WDR49: variants seen among roughly 807,000 people sequenced by gnomAD.
The protein encoded by WDR49 is WD repeat domain 49, also known as cilia- and flagella-associated protein 337.
In WDR49, 107 loss-of-function variants were observed where a neutral mutation model predicts 119.5. That is an observed-to-expected ratio of 0.90 (90% CI 0.77 to 1.05). The LOEUF (loss-of-function observed/expected upper bound fraction) is 1.05. Ranked by LOEUF, WDR49 falls within the 50% of genes least tolerant of loss-of-function variation. The probability of loss-of-function intolerance (pLI) is 0.00; values close to 1 mark genes in which losing one functional copy is unlikely to be tolerated. For synonymous variants in WDR49, 425 were observed against 418.8 expected (o/e 1.01, Z -0.18); for missense variants, 1,240 against 1,220.5 (o/e 1.02, Z -0.24).
At chr3:167,574,656 A>G (rs1343907580) in intron 8 of WDR49, among the ~76,000 whole-genome samples, 1 of 152,190 alleles carries the variant, frequency 6.6e-6, no homozygotes, top group African/African-American at 2.4e-5. Flanking sequence ...TTATGCCCCA[A>G]ATAAATCCAG....
intron 11 of WDR49, among the ~76,000 whole-genome samples, chr3:167,535,842 T>G (rs1218574662): frequency 6.6e-6 from 1 of 152,022 alleles, no homozygotes; most frequent in East Asian, 1.9e-4. Context: ...TAAATGTCCA[T>G]CAATGAATAA....
chr3:167,530,603 A>T (rs1305910427), intron 13 of WDR49, among the ~76,000 whole-genome samples: 4 of 151,582 alleles, frequency 2.6e-5, no homozygotes, highest in African/African-American at 9.7e-5. Context: ...AACAGAGAAG[A>T]GAGCAGGCAG....
chr3:167,647,893 C>T (rs1018762649), intron 2 of WDR49, among the ~76,000 whole-genome samples: 1 of 152,148 alleles, frequency 6.6e-6, no homozygotes, highest in African/African-American at 2.4e-5. Flanking sequence ...TTCATTGTAG[C>T]AGTTGTTGAT....
chr3:167,574,678 G>A (rs987897662), intron 8 of WDR49, among the ~76,000 whole-genome samples: 3 of 152,138 alleles, frequency 2.0e-5, no homozygotes, highest in African/African-American at 7.2e-5. Context: ...TCTTCTTTGT[G>A]TCTAATTTCC....
chr3:167,538,907 C>T (rs1002468145), intron 10 of WDR49, among the ~76,000 whole-genome samples: 8 of 152,082 alleles, frequency 5.3e-5, no homozygotes, highest in African/African-American at 1.9e-4. Context: ...CTAGTTTTTT[C>T]GTTTAGTATA....
chr3:167,657,187 A>G (rs569725497), upstream of WDR49, among the ~76,000 whole-genome samples: 1 of 152,224 alleles, frequency 6.6e-6, no homozygotes, highest in African/African-American at 2.4e-5. Context: ...AGTAGGATAC[A>G]TATTATGAAA....
chr3:167,522,584 G>T, intron 15 of WDR49, 100 bp from the exon 16 acceptor site: 1 of 1,218,160 alleles, frequency 8.2e-7, no homozygotes, highest in Non-Finnish European at 1.1e-6. Context: ...TAAAGTCCTG[G>T]GGTGGGACAC....
At chr3:167,511,062 T>C (rs1426260873) in intron 16 of WDR49, among the ~76,000 whole-genome samples, 1 of 152,132 alleles carries the variant, frequency 6.6e-6, no homozygotes, top group Admixed American at 6.6e-5. Context: ...TATAATATTT[T>C]CCGTACTAGA....
chr3:167,600,577 C>T (rs952087959), intron 7 of WDR49, among the ~76,000 whole-genome samples: 1 of 152,176 alleles, frequency 6.6e-6, no homozygotes, highest in Non-Finnish European at 1.5e-5. Context: ...ATCCCATGAT[C>T]TTGCTCCATC....
intron 8 of WDR49, among the ~76,000 whole-genome samples, chr3:167,572,201 T>C (rs1043195848): frequency 1.3e-5 from 2 of 152,230 alleles, no homozygotes; most frequent in African/African-American, 4.8e-5. Context: ...CCCAACTTGC[T>C]CTGCTGCTGG....
intron 5 of WDR49, among the ~76,000 whole-genome samples, chr3:167,605,827 A>T (rs1457358916): frequency 2.0e-5 from 3 of 152,166 alleles, no homozygotes; most frequent in African/African-American, 7.2e-5. Context: ...AGTTTCAGTG[A>T]TTTGCCAAAG....
rs1753059510 is a variant in WDR49 at position 167,536,934 on chromosome 3, T to G, written c.1890A>C (p.Gly630=). The change falls in exon 11 of 19, where the codon GGA becomes GGC. Residue 630 remains glycine (G), a synonymous_variant. Transcript: ENST00000682715. Reference sequence around the variant, plus strand: ...AGATGTCATCATGGTGCTGTATACCTCCTTTCCATTCTTCAGGCTGGATGA... The same window carrying G: ...AGATGTCATCATGGTGCTGTATACCGCCTTTCCATTCTTCAGGCTGGATGA... ...QFFIQPEEWK[G]GIQHHDDILC... is the part of the protein sequence containing the mutation. The G allele has an allele frequency of 1.3e-6, 2 of 1,589,396 alleles. No homozygotes were observed. The highest frequency in any genetic ancestry group is 3.5e-5 in the Admixed American group (2 of 56,670).
At chr3:167,567,387 C>T (rs1038465890) in intron 8 of WDR49, among the ~76,000 whole-genome samples, 6 of 152,202 alleles carry the variant, frequency 3.9e-5, no homozygotes, top group Non-Finnish European at 5.9e-5. Flanking sequence ...ACCTCTTCCC[C>T]ATTCCCACCT....
chr3:167,478,856 A>G lies in WDR49; in HGVS notation c.*22T>C. The G allele has an allele frequency of 1.3e-6, 2 of 1,487,068 alleles. No individual in the cohort carries two copies. Among genetic ancestry groups the G allele is most frequent in the Non-Finnish European group, 1.9e-6 (2 of 1,079,018 alleles). 92.1% of individuals were successfully genotyped at this position (1,487,068 alleles called of 1,614,324 possible). On this transcript the variant is annotated 3_prime_UTR_variant, in exon 19 of 19. Transcript: ENST00000682715. ...ATTTTATATCTGTACCTTATGTAAC[A>G]GTGAAGGTTTTTCTGTTGTAATTAC... is the stretch of plus-strand genomic sequence containing the variant.
At chr3:167,483,134 G>A (rs1294195834) in intron 18 of WDR49, among the ~76,000 whole-genome samples, 1 of 152,166 alleles carries the variant, frequency 6.6e-6, no homozygotes, top group Non-Finnish European at 1.5e-5. Flanking sequence ...GAATAAATCT[G>A]CAACTGGCAT....
At chr3:167,520,079 A>AAGTG (rs1553862258) in intron 16 of WDR49, among the ~76,000 whole-genome samples, 1 of 149,180 alleles carries the variant, frequency 6.7e-6, no homozygotes, top group Admixed American at 6.7e-5. Context: ...AAAGAAAAAA[A>AAGTG]TGTGTGTGTG....
intron 16 of WDR49, among the ~76,000 whole-genome samples, chr3:167,511,745 G>A (rs1751983668): frequency 6.6e-6 from 1 of 152,166 alleles, no homozygotes; most frequent in Non-Finnish European, 1.5e-5. Flanking sequence ...CCATCACTGT[G>A]GCTCCAATCA....
chr3:167,479,634 C>A (rs569570092), intron 18 of WDR49, among the ~76,000 whole-genome samples: 61 of 152,096 alleles, frequency 4.0e-4, no homozygotes, highest in Non-Finnish European at 7.5e-4. Context: ...ACAAATATGA[C>A]TAAGTCACAA....
chr3:167,590,359 T>G (rs1425596697), intron 7 of WDR49, among the ~76,000 whole-genome samples: 1 of 152,128 alleles, frequency 6.6e-6, no homozygotes, highest in African/African-American at 2.4e-5. Context: ...CTGCCTGTGG[T>G]TTTCTTTTCT....
Sources: gnomAD v4.1 joint callset for allele counts (sites outside exome capture counted in the v4.1 genomes callset) on GRCh38, gnomAD v4.1.1 for gene constraint, MANE v1.5 for transcripts, NCBI Gene and HGNC (gene_info 2026-07-23, HGNC 2026-07-21) for gene names.